The following IFT57 variants were observed in gnomAD, a reference collection of about 807,000 sequenced individuals.
IFT57 encodes intraflagellar transport protein 57 homolog.
A neutral mutation model predicts 56.8 loss-of-function variants in IFT57; 59 were observed. The ratio of observed to expected loss-of-function variants is 1.04; its 90% confidence interval spans 0.84 to 1.29. The LOEUF (loss-of-function observed/expected upper bound fraction) is 1.29, where lower values mean the gene tolerates loss of function less well. IFT57 is among the 50% of genes most tolerant of loss of function. IFT57 has a pLI of 0.00. For synonymous variants in IFT57, 209 were observed against 186.1 expected (o/e 1.12, Z -1.00); for missense variants, 470 against 522.1 (o/e 0.90, Z 0.97).
At chr3:108,202,548 C>T (rs1224486761) in intron 5 of IFT57, among the ~76,000 whole-genome samples, 1 of 152,212 alleles carries the variant, frequency 6.6e-6, no homozygotes, top group Non-Finnish European at 1.5e-5. Context: ...TTCAAGAACA[C>T]TCAGGAATCA....
At chr3:108,171,948 AATGCATAC>A (rs1034150759) in intron 6 of IFT57, among the ~76,000 whole-genome samples, 23 of 119,648 alleles carry the variant, frequency 1.9e-4, no homozygotes, top group South Asian at 1.3e-3. Flanking sequence ...TATTTAGAAA[AATGCATAC>A]ATACATACAT....
intron 6 of IFT57, among the ~76,000 whole-genome samples, chr3:108,179,574 T>C (rs2108313317): frequency 6.6e-6 from 1 of 152,172 alleles, no homozygotes; most frequent in Middle Eastern, 3.4e-3. Flanking sequence ...AATCTCTTCT[T>C]TTTCTCATTC....
rs142591194 is a variant in IFT57, at chr3:108,184,668, T to C, written c.777+6853A>G. On this transcript the variant is annotated intron_variant, in intron 6 of 10. Coordinates refer to ENST00000264538, the MANE Select transcript of IFT57 (RefSeq NM_018010.4). ...GTGTATAAAATTAACTGTAGTACAA[T>C]CTGTACTACTATAATAATTTTGTAG... Among the ~76,000 whole-genome samples the C allele has an allele frequency of 4.1e-4, 62 of 152,236 alleles. No individual in the cohort carries two copies. In the East Asian group the frequency reaches 0.01, roughly 25 times the overall value.
chr3:108,173,178 G>A (rs556033033), intron 6 of IFT57, among the ~76,000 whole-genome samples: 26 of 151,874 alleles, frequency 1.7e-4, no homozygotes, highest in Admixed American at 8.6e-4. Flanking sequence ...AAATAATGTG[G>A]TATGATACTG....
At chr3:108,198,892 TC>T (rs1449565257) in intron 5 of IFT57, among the ~76,000 whole-genome samples, 8 of 152,238 alleles carry the variant, frequency 5.3e-5, no homozygotes, top group Non-Finnish European at 1.0e-4. Flanking sequence ...AGTTCAGTTT[TC>T]CTCACTGATT....
intron 1 of IFT57, 177 bp downstream of exon 1, chr3:108,221,934 C>T: frequency 7.9e-7 from 1 of 1,261,446 alleles, no homozygotes; most frequent in Non-Finnish European, 1.1e-6. Flanking sequence ...CAAGTCAGGG[C>T]TGCGTGAGCT....
chr3:108,222,182 CAA>C lies in IFT57; in HGVS notation c.139_140del (p.Leu47GlyfsTer49). 6.2e-7 allele frequency: 1 copy of C among 1,614,108 alleles called. No individual in the cohort carries two copies. Among genetic ancestry groups the C allele is most frequent in the Non-Finnish European group, 8.5e-7 (1 of 1,179,994 alleles). On this transcript the variant is annotated frameshift_variant, in exon 1 of 11. Transcript: ENST00000264538. LOFTEE classifies it high-confidence loss of function. ...AGCGGAGCAGCTTCAGCTTCTCCAC[CAA>C]GTCCTCCATCACCACGAACATGTGG... is the stretch of plus-strand genomic sequence containing the variant. ...AYHMFVVMED[L>X]VEKLKLLRYE...
At chr3:108,185,909 T>TTGTTAG (rs1394658409) in intron 6 of IFT57, among the ~76,000 whole-genome samples, 1 of 152,080 alleles carries the variant, frequency 6.6e-6, no homozygotes, top group Non-Finnish European at 1.5e-5. Flanking sequence ...TGGAAGTACC[T>TTGTTAG]TGTTAGTAAG....
rs147215814 is a variant in IFT57 at position 108,213,571 on chromosome 3, C to T, written c.585+360G>A. Among the ~76,000 whole-genome samples, 1,371 of 152,156 alleles carry T rather than the reference C, an allele frequency of 9.0e-3. 13 individuals are homozygous for T. Among genetic ancestry groups the T allele is most frequent in the African/African-American group, 0.03 (1,231 of 41,502 alleles). On this transcript the variant is annotated intron_variant, in intron 4 of 10. Coordinates refer to ENST00000264538, the MANE Select transcript of IFT57 (RefSeq NM_018010.4). ...GAATTCCTTAGAAATGAATGGTATGCGTATAAAGCAGAATTTATTAATCCT... is the reference window on the plus strand; with the variant it reads ...GAATTCCTTAGAAATGAATGGTATGTGTATAAAGCAGAATTTATTAATCCT...
chr3:108,178,444 A>G (rs546431898), intron 6 of IFT57, among the ~76,000 whole-genome samples: 171 of 152,092 alleles, frequency 1.1e-3, no homozygotes, highest in African/African-American at 4.0e-3. Context: ...TGAGTATATT[A>G]AAGTTAAGTC....
At chr3:108,166,710 C>T in intron 8 of IFT57, 144 bp downstream of exon 8, 1 of 626,320 alleles carries the variant, frequency 1.6e-6, no homozygotes, top group Non-Finnish European at 2.5e-6. Flanking sequence ...ACTCGGCTCT[C>T]TTGGCTTCCT....
chr3:108,205,026 T>C (rs2080301727), intron 5 of IFT57, among the ~76,000 whole-genome samples: 2 of 152,174 alleles, frequency 1.3e-5, no homozygotes, highest in Non-Finnish European at 2.9e-5. Context: ...TTCTGATATA[T>C]TTTCAATTGA....
intron 1 of IFT57, 106 bp from the exon 2 acceptor site, chr3:108,219,678 C>T (rs534636487): frequency 1.5e-5 from 18 of 1,169,352 alleles, no homozygotes; most frequent in Admixed American, 4.2e-5. Context: ...TTTCTTCCCC[C>T]CAAATGGCCA....
chr3:108,170,734 C>G (rs1213181184), intron 6 of IFT57, among the ~76,000 whole-genome samples: 1 of 151,310 alleles, frequency 6.6e-6, no homozygotes, highest in Non-Finnish European at 1.5e-5. Flanking sequence ...AGGCATCATG[C>G]TACTTGACTT....
At chr3:108,182,474 A>T (rs1005793679) in intron 6 of IFT57, among the ~76,000 whole-genome samples, 1 of 152,076 alleles carries the variant, frequency 6.6e-6, no homozygotes, top group Non-Finnish European at 1.5e-5. Context: ...TCTCACTGTG[A>T]CTAGAGAGGC....
intron 4 of IFT57, among the ~76,000 whole-genome samples, chr3:108,212,832 A>T (rs1289767): frequency 0.73 from 110,413 of 152,070 alleles, 41,714 homozygotes; most frequent in Non-Finnish European, 0.83. Context: ...TCACCTAAAA[A>T]TTTTAATTGG....
At chr3:108,190,723 T>C (rs2080210837) in intron 6 of IFT57, among the ~76,000 whole-genome samples, 1 of 152,228 alleles carries the variant, frequency 6.6e-6, no homozygotes, top group African/African-American at 2.4e-5. Context: ...AGAAACTTGA[T>C]ACAATGGGCA....
intron 10 of IFT57, among the ~76,000 whole-genome samples, chr3:108,163,214 C>T (rs1005660574): frequency 6.6e-6 from 1 of 152,102 alleles, no homozygotes; most frequent in Non-Finnish European, 1.5e-5. Context: ...ATTAATTCTT[C>T]TCTATTTGAC....
intron 7 of IFT57, 111 bp from the exon 8 acceptor site, chr3:108,167,096 C>CA (rs1263458276): frequency 1.7e-5 from 15 of 884,308 alleles, no homozygotes; most frequent in Non-Finnish European, 2.3e-5. Context: ...ACTACATGTG[C>CA]AAAAGAAGAC....
Sources: gnomAD v4.1 joint callset for allele counts (sites outside exome capture counted in the v4.1 genomes callset) on GRCh38, gnomAD v4.1.1 for gene constraint, MANE v1.5 for transcripts, NCBI Gene and HGNC (gene_info 2026-07-23, HGNC 2026-07-21) for gene names.